Variants in UBE2E2 observed in about 807,000 individuals in gnomAD.
UBE2E2 encodes the protein ubiquitin conjugating enzyme E2 E2, also known as ubiquitin-conjugating enzyme E2 E2.
Under a neutral mutation model 24.7 loss-of-function variants are expected in UBE2E2, and 6 were observed. The ratio of observed to expected loss-of-function variants is 0.24; its 90% CI spans 0.13 to 0.48. The LOEUF (loss-of-function observed/expected upper bound fraction) is 0.48. UBE2E2 is among the 20% of genes least tolerant of loss of function. The pLI is 0.99. For missense variants in UBE2E2, 169 were observed against 245.0 expected (o/e 0.69, Z 2.07); for synonymous variants, 104 against 83.6 (o/e 1.24, Z -1.33).
At position 23,255,991 on chromosome 3, in the gene UBE2E2, A is replaced by G. The variant is rs532174630; in HGVS notation, c.227+38679A>G. ...CTCTGCCTCTAAAAATAAATAAAAG[A>G]CAGCTTCTGAGAGTATTTATTAGTA... On this transcript the variant is annotated intron_variant, in intron 3 of 5. Coordinates refer to ENST00000396703, the MANE Select transcript of UBE2E2 (RefSeq NM_152653.4). 4.6e-5 allele frequency among the ~76,000 whole-genome samples: 7 copies of G among 152,326 alleles called. No individual in the cohort carries two copies. In the East Asian group the frequency reaches 1.2e-3, roughly 25 times the overall value.
intron 3 of UBE2E2, among the ~76,000 whole-genome samples, chr3:23,273,538 AAAAAAAG>A (rs1318312328): frequency 6.6e-6 from 1 of 151,930 alleles, no homozygotes; most frequent in Non-Finnish European, 1.5e-5. Flanking sequence ...CTCAAAAAAA[AAAAAAAG>A]AGAGAGAAAT....
chr3:23,334,083 ACTTAT>A (rs576629885), intron 3 of UBE2E2, among the ~76,000 whole-genome samples: 181 of 152,292 alleles, frequency 1.2e-3, no homozygotes, highest in Middle Eastern at 3.4e-3. Flanking sequence ...CTTACTCAAA[ACTTAT>A]CTTAAATTGA....
chr3:23,491,797 A>C (rs951838368), intron 3 of UBE2E2, among the ~76,000 whole-genome samples: 1 of 152,212 alleles, frequency 6.6e-6, no homozygotes, highest in East Asian at 1.9e-4. Flanking sequence ...GCAGTTTGGT[A>C]AACAGATTGG....
chr3:23,213,503 A>G (rs547730825), intron 2 of UBE2E2, among the ~76,000 whole-genome samples: 31 of 152,150 alleles, frequency 2.0e-4, no homozygotes, highest in Admixed American at 7.9e-4. Flanking sequence ...AGGTGGAGTA[A>G]TATACATTGA....
At chr3:23,376,398 G>A (rs564894553) in intron 3 of UBE2E2, among the ~76,000 whole-genome samples, 90 of 152,270 alleles carry the variant, frequency 5.9e-4, no homozygotes, top group African/African-American at 1.9e-3. Context: ...TTCCTAGTGC[G>A]TAAAGAAGGG....
At chr3:23,556,899 C>T (rs912620287) in intron 5 of UBE2E2, among the ~76,000 whole-genome samples, 5 of 152,140 alleles carry the variant, frequency 3.3e-5, no homozygotes, top group Non-Finnish European at 7.3e-5. Flanking sequence ...CCGTAATGTA[C>T]AGTAAGTCCT....
chr3:23,354,306 C>T (rs1403780630), intron 3 of UBE2E2, among the ~76,000 whole-genome samples: 1 of 152,122 alleles, frequency 6.6e-6, no homozygotes, highest in Non-Finnish European at 1.5e-5. Flanking sequence ...CTAGGCATTA[C>T]CATTGAGGAC....
intron 5 of UBE2E2, among the ~76,000 whole-genome samples, chr3:23,586,665 C>G (rs185471301): frequency 6.6e-6 from 1 of 152,194 alleles, no homozygotes; most frequent in African/African-American, 2.4e-5. Context: ...ATACTTTAAA[C>G]AAATTTAAGA....
chr3:23,496,375 A>G (rs76077837), intron 3 of UBE2E2, among the ~76,000 whole-genome samples: 245 of 152,248 alleles, frequency 1.6e-3, no homozygotes, highest in African/African-American at 5.6e-3. Context: ...ACCCAGAACC[A>G]TTGAAACTCC....
At chr3:23,315,144 C>T (rs1694535011) in intron 3 of UBE2E2, among the ~76,000 whole-genome samples, 1 of 152,058 alleles carries the variant, frequency 6.6e-6, no homozygotes, top group African/African-American at 2.4e-5. Context: ...TTTGGTGCAG[C>T]TGAGCTGGCA....
At chr3:23,552,054 G>T (rs1575702163) in intron 5 of UBE2E2, among the ~76,000 whole-genome samples, 4 of 152,162 alleles carry the variant, frequency 2.6e-5, no homozygotes, top group African/African-American at 9.7e-5. Flanking sequence ...AAGAGTCCTC[G>T]TCAGAAACCA....
At chr3:23,346,130 T>C (rs1695548104) in intron 3 of UBE2E2, among the ~76,000 whole-genome samples, 2 of 152,200 alleles carry the variant, frequency 1.3e-5, no homozygotes, top group Non-Finnish European at 2.9e-5. Flanking sequence ...ATTTCTAAGA[T>C]TGTGTTTCTT....
intron 3 of UBE2E2, among the ~76,000 whole-genome samples, chr3:23,339,578 C>A (rs968350851): frequency 1.3e-5 from 2 of 151,986 alleles, no homozygotes; most frequent in Non-Finnish European, 2.9e-5. Flanking sequence ...AACTTAGAGA[C>A]CCTAGTTAAA....
chr3:23,289,436 C>A (rs1418608060), intron 3 of UBE2E2, among the ~76,000 whole-genome samples: 1 of 152,120 alleles, frequency 6.6e-6, no homozygotes, highest in South Asian at 2.1e-4. Context: ...TGCAGACATA[C>A]CTTATAATGT....
At chr3:23,520,567 C>T (rs547415071) in intron 4 of UBE2E2, among the ~76,000 whole-genome samples, 1 of 152,254 alleles carries the variant, frequency 6.6e-6, no homozygotes, top group African/African-American at 2.4e-5. Flanking sequence ...TAGCATTCAA[C>T]CAAAAGAGTG....
At position 23,521,331 on chromosome 3, in the gene UBE2E2, T is replaced by C. The variant is rs546098496; in HGVS notation, c.361-11223T>C. 1.2e-4 allele frequency among the ~76,000 whole-genome samples: 18 copies of C among 152,380 alleles called. No individual in the cohort carries two copies. In the South Asian group the frequency reaches 2.9e-3, roughly 25 times the overall value. On this transcript the variant is annotated intron_variant, in intron 4 of 5. Transcript: ENST00000396703. ...CTTTAGTTAAACAGCAAGTGTGATA[T>C]GGTCAGTCATTTATTACATGCTTTA...
chr3:23,382,710 T>C (rs995476827), intron 3 of UBE2E2, among the ~76,000 whole-genome samples: 1 of 152,212 alleles, frequency 6.6e-6, no homozygotes, highest in African/African-American at 2.4e-5. Flanking sequence ...TTTGTGTAGA[T>C]AATTAAGATC....
chr3:23,234,769 A>G (rs1697063579), intron 3 of UBE2E2, among the ~76,000 whole-genome samples: 1 of 152,186 alleles, frequency 6.6e-6, no homozygotes, highest in Non-Finnish European at 1.5e-5. Flanking sequence ...ACATGTTATC[A>G]TGTTGTTAAG....
intron 3 of UBE2E2, among the ~76,000 whole-genome samples, chr3:23,219,613 T>C (rs1696569525): frequency 6.6e-6 from 1 of 152,226 alleles, no homozygotes; most frequent in South Asian, 2.1e-4. Context: ...ATTAAAGTTA[T>C]CTGCCTAATA....
Sources: gnomAD v4.1 joint callset for allele counts (sites outside exome capture counted in the v4.1 genomes callset) on GRCh38, gnomAD v4.1.1 for gene constraint, MANE v1.5 for transcripts, NCBI Gene and HGNC (gene_info 2026-07-23, HGNC 2026-07-21) for gene names.